The following CHD1L variants were observed in gnomAD, a reference collection of about 807,000 sequenced individuals.
The protein encoded by CHD1L is ATP-dependent chromatin remodeler CHD1L.
CHD1L carries 118 observed loss-of-function variants against 115.9 expected under a neutral mutation model. The observed-to-expected ratio is 1.02, with a 90% CI of 0.88 to 1.19. The LOEUF (loss-of-function observed/expected upper bound fraction) is 1.19, where lower values mean the gene tolerates loss of function less well. CHD1L is among the 50% of genes most tolerant of loss of function. CHD1L has a pLI of 0.00. For missense variants in CHD1L, 1,179 were observed against 1,065.3 expected (o/e 1.11, Z -1.49); for synonymous variants, 411 against 387.1 (o/e 1.06, Z -0.72).
chr1:147,277,298 A>AAC (rs1161018203), intron 14 of CHD1L, among the ~76,000 whole-genome samples: 1 of 152,200 alleles, frequency 6.6e-6, no homozygotes, highest in Non-Finnish European at 1.5e-5. Flanking sequence ...TCCATCAAAA[A>AAC]ACATAAGTGT....
At chr1:147,281,839 T>C (rs1681004274) in intron 15 of CHD1L, among the ~76,000 whole-genome samples, 1 of 152,058 alleles carries the variant, frequency 6.6e-6, no homozygotes, top group South Asian at 2.1e-4. Flanking sequence ...GCAGATAAAA[T>C]TGTATTTATC....
intron 19 of CHD1L, among the ~76,000 whole-genome samples, chr1:147,289,603 G>C (rs1553968673): frequency 6.6e-6 from 1 of 152,144 alleles, no homozygotes; most frequent in Non-Finnish European, 1.5e-5. Flanking sequence ...CAGCAAAGTA[G>C]GTGAAACTGT....
the CHD1L span, among the ~76,000 whole-genome samples, chr1:147,183,169 G>A: frequency 1.3e-5 from 2 of 152,124 alleles, no homozygotes; most frequent in Non-Finnish European, 2.9e-5. Flanking sequence ...CTGCACTCCA[G>A]CCTGGGCGAC....
chr1:147,287,149 C>T (rs1202979277), intron 18 of CHD1L, among the ~76,000 whole-genome samples: 1 of 152,176 alleles, frequency 6.6e-6, no homozygotes, highest in East Asian at 1.9e-4. Flanking sequence ...AGAACGATGC[C>T]TTACGTGTAA....
chr1:147,274,039 A>C (rs1677308435), intron 12 of CHD1L, among the ~76,000 whole-genome samples: 1 of 152,230 alleles, frequency 6.6e-6, no homozygotes, highest in Non-Finnish European at 1.5e-5. Context: ...TATGGAACAC[A>C]TTTTAAAATG....
rs1553964994 is a variant in CHD1L at position 147,285,502 on chromosome 1, A to G, written c.2018+15A>G. Reference sequence around the variant, plus strand: ...CATAAGAAAAAGTATGTCTGCGTTAACCAAGCTGGCGGCCACAGTTGAAGG... The same window carrying G: ...CATAAGAAAAAGTATGTCTGCGTTAGCCAAGCTGGCGGCCACAGTTGAAGG... On this transcript the variant is annotated intron_variant, in intron 17 of 22. Coordinates refer to ENST00000369258, the MANE Select transcript of CHD1L (RefSeq NM_004284.6). The G allele has an allele frequency of 1.9e-6, 3 of 1,602,826 alleles. No homozygotes were observed.
At chr1:147,278,523 G>GA (rs1162028283) in intron 14 of CHD1L, among the ~76,000 whole-genome samples, 99,395 of 147,718 alleles carry the variant, frequency 0.67, 33,503 homozygotes, top group African/African-American at 0.69. Flanking sequence ...GCGCCTGGGG[G>GA]TATTTTTTTT....
chr1:147,265,329 A>G (rs782475788), intron 7 of CHD1L, among the ~76,000 whole-genome samples: 3 of 152,230 alleles, frequency 2.0e-5, no homozygotes, highest in Non-Finnish European at 4.4e-5. Context: ...ACATACTTGT[A>G]TTACATGGGA....
the CHD1L span, among the ~76,000 whole-genome samples, chr1:147,223,102 C>A: frequency 1.3e-5 from 2 of 152,128 alleles, no homozygotes; most frequent in Non-Finnish European, 2.9e-5. Flanking sequence ...AACACAGGTA[C>A]AGAGAAGCTT....
At chr1:147,182,727 G>A in the CHD1L span, among the ~76,000 whole-genome samples, 3 of 152,166 alleles carry the variant, frequency 2.0e-5, no homozygotes, top group Non-Finnish European at 2.9e-5. Flanking sequence ...CAAAGGAGCT[G>A]GGGAATTTGG....
At chr1:147,222,413 G>T in the CHD1L span, among the ~76,000 whole-genome samples, 304 of 152,142 alleles carry the variant, frequency 2.0e-3, 2 homozygotes, top group African/African-American at 6.7e-3. Context: ...GGGGAAATTG[G>T]AACTGATGGG....
At chr1:147,262,538 A>G (rs1672323907) in intron 6 of CHD1L, among the ~76,000 whole-genome samples, 1 of 152,182 alleles carries the variant, frequency 6.6e-6, no homozygotes, top group Non-Finnish European at 1.5e-5. Flanking sequence ...GTGACCTCAC[A>G]GCCTTCATTC....
At chr1:147,178,081 C>T in the CHD1L span, 1 of 1,347,410 alleles carries the variant, frequency 7.4e-7, no homozygotes, top group South Asian at 1.4e-5. Context: ...CGAGCCGCGA[C>T]CCTTCCGGCT....
At chr1:147,273,394 G>A (rs1459173551) in intron 12 of CHD1L, among the ~76,000 whole-genome samples, 3 of 152,126 alleles carry the variant, frequency 2.0e-5, no homozygotes, top group African/African-American at 7.2e-5. Context: ...TGCTATAAGG[G>A]TATATGAAAG....
In CHD1L at chr1:147,295,445, G is replaced by A. The variant is rs1687187927; in HGVS notation, c.2630G>A (p.Arg877Lys). Residue 877 changes from arginine to lysine, a missense_variant, in exon 23 of 23, where the codon AGA becomes AAA. Physicochemically the swap from Arg to Lys is conservative, Grantham distance 26. Transcript: ENST00000369258. ...GIPTYIYYFP[R>K]SKSAVLHSQS... ...ATCCTTATCAGATATTATTTTCCTAGAAGCAAGTCTGCTGTCCTTCATTCA... is the reference window on the plus strand; with the variant it reads ...ATCCTTATCAGATATTATTTTCCTAAAAGCAAGTCTGCTGTCCTTCATTCA... The A allele has an allele frequency of 1.2e-6, 2 of 1,609,918 alleles. No individual in the cohort carries two copies. The highest frequency in any genetic ancestry group is 1.7e-6 in the Non-Finnish European group (2 of 1,177,238).
At chr1:147,228,616 A>G in the CHD1L span, among the ~76,000 whole-genome samples, 1 of 152,118 alleles carries the variant, frequency 6.6e-6, no homozygotes, top group East Asian at 1.9e-4. Flanking sequence ...ACTAGTTTAC[A>G]GTCCCACCAA....
chr1:147,209,330 C>T, the CHD1L span, among the ~76,000 whole-genome samples: 3 of 149,226 alleles, frequency 2.0e-5, no homozygotes, highest in Admixed American at 1.4e-4. Context: ...CCCAGCTACT[C>T]GGGAGGCTGA....
At chr1:147,293,347 T>TTTTCCTTGTGTTCAACAGA (rs1686308407) in intron 20 of CHD1L, among the ~76,000 whole-genome samples, 1 of 151,610 alleles carries the variant, frequency 6.6e-6, no homozygotes, top group Non-Finnish European at 1.5e-5. Context: ...TTGGAAAGTA[T>TTTTCCTTGTGTTCAACAGA]ATGTTTTGGA....
the CHD1L span, among the ~76,000 whole-genome samples, chr1:147,232,697 C>T: frequency 0.094 from 14,248 of 152,166 alleles, 734 homozygotes; most frequent in East Asian, 0.16. Flanking sequence ...GATGGGGTTT[C>T]GCTGTGTTGG....
Sources: gnomAD v4.1 joint callset for allele counts (sites outside exome capture counted in the v4.1 genomes callset) on GRCh38, gnomAD v4.1.1 for gene constraint, MANE v1.5 for transcripts, NCBI Gene and HGNC (gene_info 2026-07-23, HGNC 2026-07-21) for gene names.